FBLN1: variants seen among roughly 807,000 people sequenced by gnomAD.
The protein encoded by FBLN1 is fibulin-1.
Under a neutral mutation model 89.7 loss-of-function variants are expected in FBLN1, and 34 were observed. The observed-to-expected ratio is 0.38, with a 90% CI of 0.29 to 0.50. The LOEUF (loss-of-function observed/expected upper bound fraction) is 0.50. Among genes scored for constraint, FBLN1 ranks in the 20% least tolerant of loss-of-function variants. The pLI is 0.92. For missense variants in FBLN1, 777 were observed against 988.1 expected (o/e 0.79, Z 2.86); for synonymous variants, 393 against 391.3 (o/e 1.00, Z -0.05).
At chr22:45,599,408 C>T (rs1601551338) in intron 16 of FBLN1, among the ~76,000 whole-genome samples, 1 of 152,200 alleles carries the variant, frequency 6.6e-6, no homozygotes, top group South Asian at 2.1e-4. Context: ...GCATGCACAG[C>T]AAGGGGTCCG....
intron 16 of FBLN1, among the ~76,000 whole-genome samples, chr22:45,594,263 G>A (rs1364675735): frequency 6.6e-6 from 1 of 152,198 alleles, no homozygotes; most frequent in Non-Finnish European, 1.5e-5. Flanking sequence ...CAGTGGTGTA[G>A]AATTCGTGAT....
At position 45,574,430 on chromosome 22, in the gene FBLN1, T is replaced by C; in HGVS notation, c.1698-81T>C. ...AGATGCCCCTGCCCTGGCCACCTGC[T>C]CCTCCTCCCTAGACCTCGGCCCCTG... On this transcript the variant is annotated intron_variant, in intron 14 of 16. Coordinates refer to ENST00000327858, the MANE Select transcript of FBLN1 (RefSeq NM_006486.3). The surrounding 1 kb of genome is among the most constrained non-coding windows in gnomAD (Gnocchi z 4.1). 1 of 1,531,378 alleles carries C rather than the reference T, an allele frequency of 6.5e-7. No individual in the cohort carries two copies. Among genetic ancestry groups the C allele is most frequent in the Middle Eastern group, 1.7e-4 (1 of 5,934 alleles). The allele number at this position is 1,531,378 out of a possible 1,614,324, so 94.9% of individuals were successfully genotyped here. A position where few individuals can be genotyped will look rare whatever the true frequency, so the allele number is the denominator to read the frequency against.
At chr22:45,509,629 A>G (rs771494982) in intron 1 of FBLN1, among the ~76,000 whole-genome samples, 2 of 152,172 alleles carry the variant, frequency 1.3e-5, no homozygotes, top group Non-Finnish European at 2.9e-5. Context: ...CAGACAACAT[A>G]GTAAAACTCC....
intron 14 of FBLN1, among the ~76,000 whole-genome samples, chr22:45,571,053 G>A (rs185577356): frequency 1.4e-4 from 21 of 146,430 alleles, no homozygotes; most frequent in Admixed American, 4.2e-4. Flanking sequence ...CTTGGGAGGC[G>A]GAGGTTGCAG....
Position 45,583,895 on chromosome 22 carries a change from C to T in FBLN1, c.1972+6787C>T, listed in dbSNP as rs11703062. On this transcript the variant is annotated intron_variant, in intron 16 of 16. Transcript: ENST00000327858. This position sits in a 1 kb window ranked among gnomAD's most constrained non-coding sequence, Gnocchi z 4.5. ...GCAGGTTTCCCGTGAGGAATTCTAACTGGGGGGCTTGGAGCAGGCAGGAGT... is the reference window on the plus strand; with the variant it reads ...GCAGGTTTCCCGTGAGGAATTCTAATTGGGGGGCTTGGAGCAGGCAGGAGT... 0.14 allele frequency among the ~76,000 whole-genome samples: 21,212 copies of T among 152,106 alleles called. 1,773 individuals are homozygous for T. Among genetic ancestry groups the T allele is most frequent in the African/African-American group, 0.23 (9,553 of 41,444 alleles).
In FBLN1 at chr22:45,555,116, C is replaced by A. The variant is rs9614702; in HGVS notation, c.1697+4501C>A. Among the ~76,000 whole-genome samples the A allele has an allele frequency of 2.0e-5, 3 of 151,282 alleles. No homozygotes were observed. In the South Asian group the frequency reaches 6.3e-4, roughly 32 times the overall value. On this transcript the variant is annotated intron_variant, in intron 14 of 16. Coordinates refer to ENST00000327858, the MANE Select transcript of FBLN1 (RefSeq NM_006486.3). Reference sequence around the variant, plus strand: ...CACCGCAGGAGGTTGGGACCCGTCCCCGTCTCCACCCCAGGAGGTTGGGAC... The same window carrying A: ...CACCGCAGGAGGTTGGGACCCGTCCACGTCTCCACCCCAGGAGGTTGGGAC...
chr22:45,543,341 G>A, intron 10 of FBLN1, 60 bp from the exon 11 acceptor site: 1 of 1,601,424 alleles, frequency 6.2e-7, no homozygotes, highest in Non-Finnish European at 8.5e-7. Context: ...TACTAGGAGG[G>A]TGGAGTGTGG....
intron 16 of FBLN1, among the ~76,000 whole-genome samples, chr22:45,591,806 AG>A (rs2089139244): frequency 6.4e-5 from 6 of 93,356 alleles, no homozygotes; most frequent in South Asian, 3.4e-4. Context: ...TGCAGACAGG[AG>A]GGAGGAAGTG....
At chr22:45,568,927 C>T (rs961650400) in intron 14 of FBLN1, among the ~76,000 whole-genome samples, 3 of 152,240 alleles carry the variant, frequency 2.0e-5, no homozygotes, top group African/African-American at 7.2e-5. Flanking sequence ...CCTTGGCTCG[C>T]AGCTACATCG....
chr22:45,543,647 CA>C, intron 11 of FBLN1, 121 bp downstream of exon 11: 1 of 1,300,732 alleles, frequency 7.7e-7, no homozygotes, highest in Admixed American at 2.0e-5. Context: ...GACATGTTAG[CA>C]GGGGAAGTGC....
chr22:45,531,524 A>C lies in FBLN1; in HGVS notation c.544+200A>C, dbSNP rs1169252674. On this transcript the variant is annotated intron_variant, in intron 5 of 16. Coordinates refer to ENST00000327858, the MANE Select transcript of FBLN1 (RefSeq NM_006486.3). The surrounding 1 kb of genome is among the most constrained non-coding windows in gnomAD (Gnocchi z 4.9). ...AACAGAGCTGGACCCCGTCTCAAAAACAAAAAAACAAACAAACAAAAAGCA... is the reference window on the plus strand; with the variant it reads ...AACAGAGCTGGACCCCGTCTCAAAACCAAAAAAACAAACAAACAAAAAGCA... Among the ~76,000 whole-genome samples, 1 of 152,152 alleles carries C rather than the reference A, an allele frequency of 6.6e-6. No homozygotes were observed. The highest frequency in any genetic ancestry group is 1.5e-5 in the Non-Finnish European group (1 of 68,024).
intron 16 of FBLN1, among the ~76,000 whole-genome samples, chr22:45,595,452 A>T: frequency 6.6e-6 from 1 of 152,112 alleles, no homozygotes; most frequent in East Asian, 1.9e-4. Flanking sequence ...CCCGAATCTG[A>T]CCATCAGTGA....
At chr22:45,521,498 C>T (rs569027832) in intron 2 of FBLN1, among the ~76,000 whole-genome samples, 18 of 152,366 alleles carry the variant, frequency 1.2e-4, no homozygotes, top group South Asian at 4.1e-4. Context: ...GCTCTGCCTG[C>T]GTCACTGCCC....
chr22:45,508,763 G>C (rs2088059678), intron 1 of FBLN1, among the ~76,000 whole-genome samples: 1 of 152,144 alleles, frequency 6.6e-6, no homozygotes, highest in Admixed American at 6.5e-5. Flanking sequence ...CTAGGATCAT[G>C]TGAGATCATT....
Position 45,550,841 on chromosome 22 carries a change from T to C in FBLN1, c.1697+226T>C. The stretch of plus-strand genomic sequence containing the variant: ...CAAATGAGTCTGGGGTCTATAGTCA[T>C]GTTTTCAGGCCAAGGCTGTGCACAG... On this transcript the variant is annotated intron_variant, in intron 14 of 16. Coordinates refer to ENST00000327858, the MANE Select transcript of FBLN1 (RefSeq NM_006486.3). This position sits in a 1 kb window ranked among gnomAD's most constrained non-coding sequence, Gnocchi z 8.4. 6.4e-6 allele frequency: 4 copies of C among 626,822 alleles called. No individual in the cohort carries two copies. The highest frequency in any genetic ancestry group is 1.1e-5 in the Non-Finnish European group (4 of 351,012). The allele number at this position is 626,822 out of a possible 1,614,324, so 38.8% of individuals were successfully genotyped here.
Position 45,506,250 on chromosome 22 carries a change from A to G in FBLN1, c.79+3186A>G, listed in dbSNP as rs376629778. The stretch of plus-strand genomic sequence containing the variant: ...CAATACCCCAGAATTGTTTTCCCCA[A>G]GATGCCTCTGCACATTCTACTACTA... On this transcript the variant is annotated intron_variant, in intron 1 of 16. Coordinates refer to ENST00000327858, the MANE Select transcript of FBLN1 (RefSeq NM_006486.3). Among the ~76,000 whole-genome samples the G allele has an allele frequency of 3.9e-5, 6 of 152,276 alleles. No homozygotes were observed. In the South Asian group the frequency reaches 1.2e-3, roughly 32 times the overall value.
intron 1 of FBLN1, among the ~76,000 whole-genome samples, chr22:45,510,988 C>T (rs2088092022): frequency 6.6e-6 from 1 of 152,134 alleles, no homozygotes; most frequent in Non-Finnish European, 1.5e-5. Flanking sequence ...TGTTGGCCAT[C>T]GGGCACCGTG....
At chr22:45,551,528 T>A (rs1485336514) in intron 14 of FBLN1, among the ~76,000 whole-genome samples, 1 of 152,238 alleles carries the variant, frequency 6.6e-6, no homozygotes, top group Non-Finnish European at 1.5e-5. Flanking sequence ...AGCCCCGTTG[T>A]CCCTGGCAGC....
intron 3 of FBLN1, among the ~76,000 whole-genome samples, chr22:45,527,424 G>T (rs1254761876): frequency 6.6e-6 from 1 of 152,194 alleles, no homozygotes; most frequent in Non-Finnish European, 1.5e-5. Flanking sequence ...ATGCATGTGT[G>T]TCATTTTTCC....
Sources: gnomAD v4.1 joint callset for allele counts (sites outside exome capture counted in the v4.1 genomes callset) on GRCh38, gnomAD v4.1.1 for gene constraint, Gnocchi (gnomAD v3.1) non-coding constraint, MANE v1.5 for transcripts, NCBI Gene and HGNC (gene_info 2026-07-23, HGNC 2026-07-21) for gene names.